The following ATL1 variants were observed in gnomAD, a reference collection of about 807,000 sequenced individuals.
The protein encoded by ATL1 is atlastin-1.
In ATL1, 31 loss-of-function variants were observed where a neutral mutation model predicts 75.5. That is an observed-to-expected ratio of 0.41 (90% CI 0.31 to 0.55). ATL1 has a LOEUF of 0.55. Ranked by LOEUF, ATL1 falls within the 20% of genes least tolerant of loss-of-function variation. The pLI, the probability that ATL1 is intolerant of heterozygous loss-of-function variation, is 0.27. For synonymous variants in ATL1, 226 were observed against 233.3 expected (o/e 0.97, Z 0.28); for missense variants, 405 against 662.6 (o/e 0.61, Z 4.27).
At chr14:50,574,575 A>G (rs2038983310) in intron 1 of ATL1, among the ~76,000 whole-genome samples, 1 of 152,212 alleles carries the variant, frequency 6.6e-6, no homozygotes, top group Non-Finnish European at 1.5e-5. Flanking sequence ...AACTGTGTCT[A>G]AAACTGACTT....
intron 12 of ATL1, among the ~76,000 whole-genome samples, chr14:50,628,844 G>A (rs916206832): frequency 6.6e-6 from 1 of 152,130 alleles, no homozygotes; most frequent in Admixed American, 6.5e-5. Flanking sequence ...AGCCTCTCGA[G>A]TAGATGGGAC....
chr14:50,626,815 T>C (rs73291769), intron 11 of ATL1, among the ~76,000 whole-genome samples: 4,931 of 152,294 alleles, frequency 0.032, 253 homozygotes, highest in African/African-American at 0.11. Context: ...CTAATTACAG[T>C]CACCCTACTG....
intron 1 of ATL1, among the ~76,000 whole-genome samples, chr14:50,534,982 A>T (rs2038474489): frequency 6.6e-6 from 1 of 152,228 alleles, no homozygotes; most frequent in African/African-American, 2.4e-5. Flanking sequence ...ATGGTAACTG[A>T]CCAGAGAGTT....
intron 4 of ATL1, among the ~76,000 whole-genome samples, chr14:50,593,627 C>A (rs1049852596): frequency 2.6e-5 from 4 of 152,132 alleles, no homozygotes; most frequent in Non-Finnish European, 5.9e-5. Flanking sequence ...GAGCAGGTGA[C>A]TACTGTATTT....
Position 50,546,460 on chromosome 14 carries a change from C to A in ATL1, c.-140+13093C>A, listed in dbSNP as rs756048239. 8.5e-5 allele frequency among the ~76,000 whole-genome samples: 13 copies of A among 152,072 alleles called. No individual in the cohort carries two copies. The Middle Eastern group carries it at 0.01, about 119-fold the overall frequency. ...TTATATGTTATGTCTGACATGCTAC[C>A]AACTTGGCTTATAAGTAAATGAGTA... On this transcript the variant is annotated intron_variant, in intron 1 of 13. Transcript: ENST00000441560.
At chr14:50,553,948 G>A (rs1016245888) in intron 1 of ATL1, among the ~76,000 whole-genome samples, 10 of 152,032 alleles carry the variant, frequency 6.6e-5, no homozygotes, top group Non-Finnish European at 1.2e-4. Flanking sequence ...TGGGGACTCC[G>A]GGCAAAGGGT....
chr14:50,562,138 G>A (rs927499377), intron 1 of ATL1, among the ~76,000 whole-genome samples: 45 of 151,834 alleles, frequency 3.0e-4, no homozygotes, highest in Non-Finnish European at 8.8e-5. Flanking sequence ...TCCACCTCCC[G>A]GGTTCACGCC....
At chr14:50,573,014 AAGCCCCTT>A (rs1271067990) in intron 1 of ATL1, among the ~76,000 whole-genome samples, 2 of 152,090 alleles carry the variant, frequency 1.3e-5, no homozygotes, top group South Asian at 2.1e-4. Flanking sequence ...AATGGGGTAA[AAGCCCCTT>A]ACAAAACCAT....
At chr14:50,614,628 T>C (rs2039397534) in intron 8 of ATL1, 117 bp downstream of exon 8, 1 of 1,211,142 alleles carries the variant, frequency 8.3e-7, no homozygotes, top group South Asian at 1.3e-5. Context: ...GGCTGATGAT[T>C]AGAAATTGTC....
chr14:50,593,246 ATC>A (rs1200834481), intron 4 of ATL1, among the ~76,000 whole-genome samples: 9 of 152,006 alleles, frequency 5.9e-5, no homozygotes, highest in African/African-American at 2.2e-4. Flanking sequence ...AGAAATGATG[ATC>A]TGTTATTTAA....
At chr14:50,599,664 T>C (rs2039253372) in intron 6 of ATL1, among the ~76,000 whole-genome samples, 1 of 151,998 alleles carries the variant, frequency 6.6e-6, no homozygotes, top group East Asian at 1.9e-4. Flanking sequence ...GTGCATAGAG[T>C]AGCATGAATA....
intron 1 of ATL1, among the ~76,000 whole-genome samples, chr14:50,582,964 C>G (rs1469658932): frequency 6.6e-6 from 1 of 152,090 alleles, no homozygotes; most frequent in Non-Finnish European, 1.5e-5. Flanking sequence ...ATATGATCAC[C>G]TCAATAGATG....
chr14:50,615,749 TAAAG>T (rs1211390760), intron 8 of ATL1, among the ~76,000 whole-genome samples: 1 of 152,204 alleles, frequency 6.6e-6, no homozygotes, highest in Non-Finnish European at 1.5e-5. Flanking sequence ...ATAAATTACA[TAAAG>T]AAAGCCTTCT....
At chr14:50,593,211 A>G (rs1323387320) in intron 4 of ATL1, among the ~76,000 whole-genome samples, 1 of 152,006 alleles carries the variant, frequency 6.6e-6, no homozygotes, top group Non-Finnish European at 1.5e-5. Context: ...CTAATTCCTT[A>G]GTAATGACTT....
At chr14:50,619,357 C>T (rs925668817) in intron 8 of ATL1, among the ~76,000 whole-genome samples, 2 of 152,204 alleles carry the variant, frequency 1.3e-5, no homozygotes, top group African/African-American at 4.8e-5. Flanking sequence ...CTGCACCCAG[C>T]CGTGTACAGC....
At chr14:50,604,988 ACTGGATCAAGCAATG>A (rs2039303896) in intron 6 of ATL1, among the ~76,000 whole-genome samples, 1 of 152,044 alleles carries the variant, frequency 6.6e-6, no homozygotes, top group African/African-American at 2.4e-5. Context: ...AGCCTTGGTT[ACTGGATCAAGCAATG>A]GGCTACAAAA....
chr14:50,542,513 C>CTTA (rs1327345113), intron 1 of ATL1: 2 of 152,050 alleles, frequency 1.3e-5, no homozygotes, highest in East Asian at 3.8e-4. Flanking sequence ...TTTACTGGAT[C>CTTA]GTAAGTTGAA....
intron 11 of ATL1, among the ~76,000 whole-genome samples, chr14:50,623,552 T>C (rs1368740413): frequency 2.0e-5 from 3 of 151,926 alleles, no homozygotes; most frequent in Non-Finnish European, 4.4e-5. Context: ...TAGCATGTGG[T>C]ACCCTCGCCA....
intron 1 of ATL1, among the ~76,000 whole-genome samples, chr14:50,548,014 T>A (rs1439086103): frequency 6.6e-6 from 1 of 152,182 alleles, no homozygotes. Context: ...CCTCAGAGTC[T>A]CTTGCAGATG....
Sources: gnomAD v4.1 joint callset for allele counts (sites outside exome capture counted in the v4.1 genomes callset) on GRCh38, gnomAD v4.1.1 for gene constraint, MANE v1.5 for transcripts, NCBI Gene and HGNC (gene_info 2026-07-23, HGNC 2026-07-21) for gene names.